The following PTGES3 variants were observed in gnomAD, a reference collection of about 807,000 sequenced individuals.
The protein encoded by PTGES3 is Hsp90 co-chaperone.
PTGES3 carries 5 observed loss-of-function variants against 29.9 expected under a neutral mutation model. The ratio of observed to expected loss-of-function variants is 0.17; its 90% CI spans 0.09 to 0.35. PTGES3 has a LOEUF of 0.35. Ranked by LOEUF, PTGES3 falls within the 10% of genes least tolerant of loss-of-function variation. PTGES3 has a pLI of 1.00. For missense variants in PTGES3, 128 were observed against 190.0 expected, an observed-to-expected ratio of 0.67 and a Z score of 1.92; for synonymous variants, 49 against 57.8, an observed-to-expected ratio of 0.85 and a Z score of 0.69.
intron 1 of PTGES3, among the ~76,000 whole-genome samples, chr12:56,675,004 C>CAAAA (rs1177350725): frequency 0.055 from 1,780 of 32,338 alleles, 365 homozygotes; most frequent in Non-Finnish European, 0.061. Flanking sequence ...AACTCGGTCT[C>CAAAA]AAAAAAAAAA....
intron 1 of PTGES3, among the ~76,000 whole-genome samples, chr12:56,677,499 G>A (rs943421630): frequency 6.6e-6 from 1 of 152,012 alleles, no homozygotes; most frequent in East Asian, 1.9e-4. Context: ...TAGCAGCCTA[G>A]TAGCTATTGG....
chr12:56,666,426 G>A (rs958562113), intron 5 of PTGES3, among the ~76,000 whole-genome samples, 160 bp from the exon 6 acceptor site: 4 of 152,086 alleles, frequency 2.6e-5, no homozygotes, highest in East Asian at 1.9e-4. Flanking sequence ...AAGATTATAG[G>A]TAATTATACA....
In PTGES3 at chr12:56,664,771, C is replaced by T. The variant is rs1474621043; in HGVS notation, c.463+5G>A. 1 of 1,594,490 alleles carries T rather than the reference C, an allele frequency of 6.3e-7. No individual in the cohort carries two copies. The highest frequency in any genetic ancestry group is 8.6e-7 in the Non-Finnish European group (1 of 1,166,282). On this transcript the variant is annotated splice_donor_5th_base_variant and intron_variant, in intron 7 of 7. Coordinates refer to ENST00000262033, the MANE Select transcript of PTGES3 (RefSeq NM_006601.7). ...TGTATAAACATACTTTTTATATACA[C>T]TTACTTTCATCATCACTGTCTTGTG...
chr12:56,667,077 G>A (rs1300457907), intron 5 of PTGES3, among the ~76,000 whole-genome samples: 2 of 152,072 alleles, frequency 1.3e-5, no homozygotes, highest in African/African-American at 4.8e-5. Context: ...ATGCCACCAC[G>A]CCCAGTTAGT....
chr12:56,664,544 T>C (rs1347928655), intron 7 of PTGES3, 46 bp from the exon 8 acceptor site: 2 of 1,552,678 alleles, frequency 1.3e-6, no homozygotes, highest in Admixed American at 1.9e-5. Context: ...AAGTGAATAA[T>C]CTACCAATTT....
chr12:56,672,872 C>T, intron 2 of PTGES3, 63 bp from the exon 3 acceptor site: 1 of 1,542,030 alleles, frequency 6.5e-7, no homozygotes, highest in East Asian at 2.3e-5. Flanking sequence ...ATAATAACTT[C>T]AATGAAAAGA....
chr12:56,667,832 G>T lies in PTGES3; in HGVS notation c.376-1566C>A, dbSNP rs370148412. 6.0e-4 allele frequency among the ~76,000 whole-genome samples: 91 copies of T among 152,358 alleles called. No homozygotes were observed. The South Asian group carries it at 0.018, about 31-fold the overall frequency. ...TTAAAAGATAGCTGGGCGTGGCCAG[G>T]TCTGGTGACTCATGCCTGTAATCCC... is the stretch of plus-strand genomic sequence containing the variant. On this transcript the variant is annotated intron_variant, in intron 5 of 7. Coordinates refer to ENST00000262033, the MANE Select transcript of PTGES3 (RefSeq NM_006601.7).
chr12:56,672,766 C>G lies in PTGES3; in HGVS notation c.160G>C (p.Asp54His). 3 of 1,589,738 alleles carry G rather than the reference C, an allele frequency of 1.9e-6. No individual in the cohort carries two copies. The highest frequency in any genetic ancestry group is 2.6e-6 in the Non-Finnish European group (3 of 1,169,436). Residue 54 changes from aspartate to histidine, a missense_variant, in exon 3 of 8, where the codon GAT becomes CAT. Transcript: ENST00000262033. Reference protein sequence around the residue: ...SDNFKHLNEIDLFHCIDPNDS... With the variant: ...SDNFKHLNEIHLFHCIDPNDS... ...TTTGGATCAATACAGTGAAAAAGATCAATTTCATTTAAATGCTTAAAATTA... is the reference window on the plus strand; with the variant it reads ...TTTGGATCAATACAGTGAAAAAGATGAATTTCATTTAAATGCTTAAAATTA...
At chr12:56,687,416 CCA>C in intron 1 of PTGES3, 3 of 987,564 alleles carry the variant, frequency 3.0e-6, no homozygotes, top group Non-Finnish European at 3.6e-6. Flanking sequence ...CTGGAAGTAC[CCA>C]CACTCAAGAA....
Position 56,664,319 on chromosome 12 carries a change from A to T in PTGES3, c.*160T>A. On this transcript the variant is annotated 3_prime_UTR_variant, in exon 8 of 8. Coordinates refer to ENST00000262033, the MANE Select transcript of PTGES3 (RefSeq NM_006601.7). Reference sequence around the variant, plus strand: ...CATACAATGGTACATATCAACCCTTAGTGAAGCCTTTTAAAAAACAAACAG... The same window carrying T: ...CATACAATGGTACATATCAACCCTTTGTGAAGCCTTTTAAAAAACAAACAG... 1.4e-6 allele frequency: 1 copy of T among 736,152 alleles called. No individual in the cohort carries two copies. The highest frequency in any genetic ancestry group is 2.3e-6 in the Non-Finnish European group (1 of 441,296). 45.6% of individuals were successfully genotyped at this position (736,152 alleles called of 1,614,324 possible).
intron 6 of PTGES3, chr12:56,665,786 A>C (rs1592237285): frequency 7.5e-6 from 5 of 670,328 alleles, no homozygotes; most frequent in Non-Finnish European, 9.2e-6. Context: ...GATTACAGGC[A>C]CCTGCCATCA....
At chr12:56,687,249 C>T in intron 1 of PTGES3, 1 of 1,012,932 alleles carries the variant, frequency 9.9e-7, no homozygotes, top group South Asian at 4.6e-5. Flanking sequence ...TGAAACCTCA[C>T]CTCAAGTAGA....
rs555211468 is a variant in PTGES3, at chr12:56,664,271, C to T, written c.*208G>A. 3.6e-4 allele frequency: 178 copies of T among 499,294 alleles called. No homozygotes were observed. The highest frequency in any genetic ancestry group is 6.3e-4 in the Non-Finnish European group (174 of 275,808). The allele number at this position is 499,294 out of a possible 1,614,324, so 30.9% of individuals were successfully genotyped here. ...GAAATGTTCATGCATAAGGTTATTG[C>T]CTTAGCTGACTTAAAATTGCCCCAT... On this transcript the variant is annotated 3_prime_UTR_variant, in exon 8 of 8. Coordinates refer to ENST00000262033, the MANE Select transcript of PTGES3 (RefSeq NM_006601.7).
intron 5 of PTGES3, among the ~76,000 whole-genome samples, chr12:56,669,502 T>C (rs1962963): frequency 0.79 from 119,979 of 152,124 alleles, 47,798 homozygotes; most frequent in African/African-American, 0.9. Context: ...AGGCTGGTCT[T>C]GAACTCCTGA....
intron 1 of PTGES3, among the ~76,000 whole-genome samples, chr12:56,684,304 C>T (rs1434846916): frequency 6.6e-6 from 1 of 152,028 alleles, no homozygotes; most frequent in Non-Finnish European, 1.5e-5. Context: ...TTTTCACTTC[C>T]AGTTTCTACT....
chr12:56,687,323 T>C (rs1565882165), intron 1 of PTGES3: 2 of 989,054 alleles, frequency 2.0e-6, no homozygotes, highest in Non-Finnish European at 2.4e-6. Flanking sequence ...ACCTGCTCAA[T>C]GGTAACTCCT....
chr12:56,668,010 A>G (rs1429290951), intron 5 of PTGES3, among the ~76,000 whole-genome samples: 4 of 152,242 alleles, frequency 2.6e-5, no homozygotes, highest in Admixed American at 2.6e-4. Context: ...TGGGAGGCTG[A>G]GGCAGGAGAA....
At chr12:56,676,954 G>C in intron 1 of PTGES3, among the ~76,000 whole-genome samples, 1 of 143,940 alleles carries the variant, frequency 6.9e-6, no homozygotes, top group Non-Finnish European at 1.5e-5. Context: ...AAATAGTGCT[G>C]GCTAAGTGCG....
At chr12:56,674,843 A>AAAAAAAAAAAAAAAAAAAAC (rs1952159656) in intron 1 of PTGES3, among the ~76,000 whole-genome samples, 1 of 140,966 alleles carries the variant, frequency 7.1e-6, no homozygotes, top group Non-Finnish European at 1.5e-5. Context: ...AAAAAAAAAA[A>AAAAAAAAAAAAAAAAAAAAC]AAAAAAAAAA....
Sources: gnomAD v4.1 joint callset for allele counts (sites outside exome capture counted in the v4.1 genomes callset) on GRCh38, gnomAD v4.1.1 for gene constraint, MANE v1.5 for transcripts, NCBI Gene and HGNC (gene_info 2026-07-23, HGNC 2026-07-21) for gene names.